The following PBX3 variants were observed in gnomAD, a reference collection of about 807,000 sequenced individuals.
PBX3 encodes the protein pre-B-cell leukemia transcription factor 3.
A neutral mutation model predicts 48.5 loss-of-function variants in PBX3; 14 were observed. The ratio of observed to expected loss-of-function variants is 0.29; its 90% CI spans 0.19 to 0.45. The LOEUF (loss-of-function observed/expected upper bound fraction) is 0.45. Ranked by LOEUF, PBX3 falls within the 20% of genes least tolerant of loss-of-function variation. The probability of loss-of-function intolerance (pLI) is 1.00; values close to 1 mark genes in which losing one functional copy is unlikely to be tolerated. For synonymous variants in PBX3, 210 were observed against 200.3 expected (o/e 1.05, Z -0.41); for missense variants, 386 against 546.7 (o/e 0.71, Z 2.93).
intron 2 of PBX3, among the ~76,000 whole-genome samples, chr9:125,840,426 T>C (rs1839258211): frequency 6.6e-6 from 1 of 151,652 alleles, no homozygotes; most frequent in Non-Finnish European, 1.5e-5. Flanking sequence ...TGTAGTAACA[T>C]ATTTTTTTCT....
chr9:125,954,813 A>C (rs1340272198), intron 5 of PBX3, among the ~76,000 whole-genome samples: 3 of 152,238 alleles, frequency 2.0e-5, no homozygotes, highest in Non-Finnish European at 4.4e-5. Context: ...CTGGGATTAC[A>C]GGGGTGAGCC....
At chr9:125,837,751 C>T (rs994965822) in intron 2 of PBX3, among the ~76,000 whole-genome samples, 3 of 151,988 alleles carry the variant, frequency 2.0e-5, no homozygotes, top group Non-Finnish European at 4.4e-5. Flanking sequence ...CCACCATGCC[C>T]GGCTAATTTT....
chr9:125,795,185 C>T (rs1837741731), intron 2 of PBX3, among the ~76,000 whole-genome samples: 1 of 152,194 alleles, frequency 6.6e-6, no homozygotes, highest in African/African-American at 2.4e-5. Context: ...AATGGAAACC[C>T]TTTTGGTAGG....
intron 2 of PBX3, among the ~76,000 whole-genome samples, chr9:125,780,099 G>A (rs1837214948): frequency 7.1e-6 from 1 of 141,588 alleles, no homozygotes; most frequent in Admixed American, 6.9e-5. Flanking sequence ...CGGGGCGGCT[G>A]GCTGGGCAGA....
At position 125,789,668 on chromosome 9, in the gene PBX3, C is replaced by T. The variant is rs1269526958; in HGVS notation, c.274+41045C>T. On this transcript the variant is annotated intron_variant, in intron 2 of 8. Transcript: ENST00000373489. ...GTAGGGTGAAGTCATTAAGATCAGT[C>T]CATGCTCAAGGGGAGGCTACTACAT... 2.0e-5 allele frequency among the ~76,000 whole-genome samples: 3 copies of T among 152,086 alleles called. No homozygotes were observed. In the South Asian group the frequency reaches 6.2e-4, roughly 32 times the overall value.
intron 3 of PBX3, among the ~76,000 whole-genome samples, chr9:125,919,964 CAT>C (rs1841422144): frequency 6.6e-6 from 1 of 152,122 alleles, no homozygotes; most frequent in African/African-American, 2.4e-5. Context: ...GTTCTTTTAT[CAT>C]ATGTCTCTAT....
intron 2 of PBX3, among the ~76,000 whole-genome samples, chr9:125,772,651 C>G (rs1045774403): frequency 6.6e-6 from 1 of 152,182 alleles, no homozygotes; most frequent in Non-Finnish European, 1.5e-5. Flanking sequence ...TCGTAGCTTT[C>G]AGGATTGTGA....
At chr9:125,777,581 C>T (rs560771289) in intron 2 of PBX3, among the ~76,000 whole-genome samples, 24 of 149,682 alleles carry the variant, frequency 1.6e-4, no homozygotes, top group East Asian at 1.0e-3. Flanking sequence ...CCAGGCTGGT[C>T]GCAAACTCCT....
At chr9:125,909,558 CAT>C (rs1458359730) in intron 2 of PBX3, among the ~76,000 whole-genome samples, 1 of 152,080 alleles carries the variant, frequency 6.6e-6, no homozygotes, top group Non-Finnish European at 1.5e-5. Context: ...TAAAATAAAT[CAT>C]GTGAACTTGT....
At chr9:125,843,939 G>A (rs1839356665) in intron 2 of PBX3, 2 of 307,088 alleles carry the variant, frequency 6.5e-6, no homozygotes, top group African/African-American at 2.2e-5. Flanking sequence ...TGAAATTTGG[G>A]GCTGGAAATG....
intron 2 of PBX3, among the ~76,000 whole-genome samples, chr9:125,857,740 T>C (rs1190839381): frequency 6.6e-6 from 1 of 152,208 alleles, no homozygotes; most frequent in Non-Finnish European, 1.5e-5. Flanking sequence ...CATGATAAAC[T>C]GTAGTAAAAT....
Position 125,761,520 on chromosome 9 carries a change from C to T in PBX3, c.274+12897C>T, listed in dbSNP as rs1836666733. On this transcript the variant is annotated intron_variant, in intron 2 of 8. Transcript: ENST00000373489. Reference sequence around the variant, plus strand: ...GAGAGAGCTTCAGCAGGGAGCATTTCAGGTGTATTATGGCTTTTGTCTTGT... The same window carrying T: ...GAGAGAGCTTCAGCAGGGAGCATTTTAGGTGTATTATGGCTTTTGTCTTGT... Among the ~76,000 whole-genome samples the T allele has an allele frequency of 2.0e-5, 3 of 152,026 alleles. 1 individual carries two copies. The highest frequency in any genetic ancestry group is 7.2e-5 in the African/African-American group (3 of 41,392).
intron 2 of PBX3, among the ~76,000 whole-genome samples, chr9:125,824,535 A>C (rs982348023): frequency 5.3e-5 from 8 of 152,228 alleles, no homozygotes; most frequent in African/African-American, 1.9e-4. Flanking sequence ...TCAAAGGACA[A>C]GATAACTCTA....
At chr9:125,781,480 G>C (rs1305946063) in intron 2 of PBX3, among the ~76,000 whole-genome samples, 5 of 150,298 alleles carry the variant, frequency 3.3e-5, no homozygotes, top group African/African-American at 9.8e-5. Flanking sequence ...GTACAGTCCA[G>C]CTTCGGCTAG....
intron 2 of PBX3, among the ~76,000 whole-genome samples, chr9:125,813,115 T>C (rs2132131978): frequency 6.6e-6 from 1 of 152,352 alleles, no homozygotes; most frequent in East Asian, 1.9e-4. Flanking sequence ...TTTTACTATA[T>C]AAACTTTAAT....
intron 2 of PBX3, among the ~76,000 whole-genome samples, chr9:125,753,150 C>T (rs1836420223): frequency 6.6e-6 from 1 of 151,938 alleles, no homozygotes; most frequent in South Asian, 2.1e-4. Flanking sequence ...AGTTTCATAT[C>T]AATTTTAAGC....
At chr9:125,780,059 G>C (rs1461861800) in intron 2 of PBX3, among the ~76,000 whole-genome samples, 1 of 120,948 alleles carries the variant, frequency 8.3e-6, no homozygotes, top group Non-Finnish European at 1.8e-5. Context: ...TGGCCGGGCA[G>C]GGGGCTGACC....
At chr9:125,895,848 C>G (rs1840756921) in intron 2 of PBX3, among the ~76,000 whole-genome samples, 1 of 151,980 alleles carries the variant, frequency 6.6e-6, no homozygotes, top group African/African-American at 2.4e-5. Context: ...GTTCAAATTT[C>G]TAGGGAACAC....
Position 125,827,344 on chromosome 9 carries a change from C to T in PBX3, c.274+78721C>T, listed in dbSNP as rs1463401546. Among the ~76,000 whole-genome samples the T allele has an allele frequency of 3.3e-5, 5 of 152,070 alleles. No homozygotes were observed. In the East Asian group the frequency reaches 9.6e-4, roughly 29 times the overall value. On this transcript the variant is annotated intron_variant, in intron 2 of 8. Transcript: ENST00000373489. ...AACATTTTGCCATCTCTGCTTTAGA[C>T]ATTTATTTTTAAAAAATATCCATTT...
Sources: gnomAD v4.1 joint callset for allele counts (sites outside exome capture counted in the v4.1 genomes callset) on GRCh38, gnomAD v4.1.1 for gene constraint, MANE v1.5 for transcripts, NCBI Gene and HGNC (gene_info 2026-07-23, HGNC 2026-07-21) for gene names.